OTOGL: variants seen among roughly 807,000 people sequenced by gnomAD.
The protein encoded by OTOGL is otogelin like, also known as otogelin-like protein.
OTOGL carries 285 observed loss-of-function variants against 318.5 expected under a neutral mutation model. The ratio of observed to expected loss-of-function variants is 0.89; its 90% CI spans 0.81 to 0.99. OTOGL has a LOEUF of 0.99. OTOGL is among the 50% of genes least tolerant of loss of function. The pLI is 0.00. For synonymous variants in OTOGL, 987 were observed against 936.5 expected (o/e 1.05, Z -0.99); for missense variants, 2,899 against 2,845.6 (o/e 1.02, Z -0.43).
chr12:80,148,150 G>A lies in OTOGL; in HGVS notation c.-20+48545G>A, dbSNP rs544945933. 7.9e-5 allele frequency among the ~76,000 whole-genome samples: 12 copies of A among 151,704 alleles called. No individual in the cohort carries two copies. In the East Asian group the frequency reaches 1.6e-3, roughly 20 times the overall value. ...GTTGATGCAGTTTCTTCCTAGTCTC[G>A]ATGGTCTTTACATTTTGGCATGATT... On this transcript the variant is annotated intron_variant, in intron 1 of 58. Transcript: ENST00000547103.
chr12:80,259,827 T>C (rs913929603), intron 18 of OTOGL, among the ~76,000 whole-genome samples: 1 of 152,084 alleles, frequency 6.6e-6, no homozygotes, highest in Non-Finnish European at 1.5e-5. Context: ...ATAAAATATA[T>C]GTGCTTTTTA....
At chr12:80,135,430 G>T (rs1432828346) in intron 1 of OTOGL, among the ~76,000 whole-genome samples, 1 of 151,692 alleles carries the variant, frequency 6.6e-6, no homozygotes, top group African/African-American at 2.4e-5. Context: ...CTACCACCAT[G>T]CCTGGCTAAT....
chr12:80,103,866 A>G (rs1391351084), intron 1 of OTOGL, among the ~76,000 whole-genome samples: 1 of 152,248 alleles, frequency 6.6e-6, no homozygotes. Flanking sequence ...TATATTCTAG[A>G]CACCTGAGAA....
chr12:80,332,935 C>A, intron 37 of OTOGL, 70 bp from the exon 38 acceptor site: 1 of 1,265,896 alleles, frequency 7.9e-7, no homozygotes, highest in Non-Finnish European at 1.1e-6. Flanking sequence ...AGCACAGTTT[C>A]TGTCACATAT....
At chr12:80,290,552 A>C (rs1246689434) in intron 26 of OTOGL, among the ~76,000 whole-genome samples, 3 of 152,198 alleles carry the variant, frequency 2.0e-5, no homozygotes. Flanking sequence ...CTGACAATAT[A>C]ATGTCAAACA....
intron 1 of OTOGL, among the ~76,000 whole-genome samples, chr12:80,147,637 C>G (rs899301639): frequency 6.6e-6 from 1 of 151,910 alleles, no homozygotes; most frequent in Non-Finnish European, 1.5e-5. Context: ...CTTGATCTGT[C>G]TAATGTTGAC....
At chr12:80,258,084 C>T in intron 18 of OTOGL, 82 bp downstream of exon 18, 1 of 1,207,438 alleles carries the variant, frequency 8.3e-7, no homozygotes, top group East Asian at 2.7e-5. Context: ...GTTTACTTAA[C>T]TAATAATTGC....
chr12:80,157,538 TGTA>T (rs1455834882), intron 1 of OTOGL, among the ~76,000 whole-genome samples: 2 of 152,190 alleles, frequency 1.3e-5, no homozygotes, highest in Non-Finnish European at 2.9e-5. Context: ...AATGTTTTCT[TGTA>T]GTAGTTTCAT....
At chr12:80,249,822 G>T (rs183154919) in intron 11 of OTOGL, among the ~76,000 whole-genome samples, 1 of 152,040 alleles carries the variant, frequency 6.6e-6, no homozygotes, top group African/African-American at 2.4e-5. Context: ...GTGAGACTCC[G>T]TGGGCGTAGG....
chr12:80,307,297 T>C (rs1044880198), intron 29 of OTOGL, among the ~76,000 whole-genome samples: 1 of 151,854 alleles, frequency 6.6e-6, no homozygotes, highest in Non-Finnish European at 1.5e-5. Context: ...ATTGTCATCA[T>C]GGCCCGTTCT....
Position 80,332,999 on chromosome 12 carries a change from T to G in OTOGL, c.4349-6T>G. 1 of 1,583,152 alleles carries G rather than the reference T, an allele frequency of 6.3e-7. No individual in the cohort carries two copies. ...CTAATGAGGATTACTTTTTCATTTC[T>G]GACAGTTTGGGAAATGATTACTCCA... On this transcript the variant is annotated splice_polypyrimidine_tract_variant and splice_region_variant and intron_variant, in intron 37 of 58. Transcript: ENST00000547103.
chr12:80,275,251 C>T (rs1883711653), intron 24 of OTOGL, among the ~76,000 whole-genome samples: 1 of 151,896 alleles, frequency 6.6e-6, no homozygotes, highest in Non-Finnish European at 1.5e-5. Context: ...GTCAAAATAT[C>T]AACACGAACA....
chr12:80,300,556 TG>T (rs914504600), intron 27 of OTOGL, among the ~76,000 whole-genome samples: 40 of 152,108 alleles, frequency 2.6e-4, no homozygotes, highest in Admixed American at 2.2e-3. Context: ...AATTTCAAGA[TG>T]GCAATTACAG....
intron 1 of OTOGL, among the ~76,000 whole-genome samples, chr12:80,104,896 A>G (rs569214402): frequency 6.6e-6 from 1 of 152,284 alleles, no homozygotes; most frequent in East Asian, 1.9e-4. Flanking sequence ...GGAGTTCGAC[A>G]CCTGCCTGAC....
intron 31 of OTOGL, among the ~76,000 whole-genome samples, 162 bp downstream of exon 31, chr12:80,313,794 C>A (rs1886804272): frequency 6.6e-6 from 1 of 151,860 alleles, no homozygotes; most frequent in African/African-American, 2.4e-5. Flanking sequence ...TTATAGAATA[C>A]CGAAAGGACT....
chr12:80,147,104 A>G (rs1872434250), intron 1 of OTOGL, among the ~76,000 whole-genome samples: 2 of 151,744 alleles, frequency 1.3e-5, no homozygotes, highest in South Asian at 2.1e-4. Flanking sequence ...TAGCTTTTGA[A>G]TGTGTTTGCT....
At chr12:80,167,712 A>G (rs562068569) in intron 1 of OTOGL, among the ~76,000 whole-genome samples, 6 of 152,232 alleles carry the variant, frequency 3.9e-5, no homozygotes, top group African/African-American at 1.4e-4. Flanking sequence ...GGTGAAGCAT[A>G]ACTTCACACA....
chr12:80,188,585 C>G (rs1007574047), intron 1 of OTOGL, among the ~76,000 whole-genome samples: 2 of 150,706 alleles, frequency 1.3e-5, no homozygotes, highest in African/African-American at 2.4e-5. Context: ...AAAAGGTGAG[C>G]CTTCTCTTTA....
chr12:80,121,509 C>T (rs923598064), intron 1 of OTOGL, among the ~76,000 whole-genome samples: 1 of 152,200 alleles, frequency 6.6e-6, no homozygotes, highest in Non-Finnish European at 1.5e-5. Context: ...CTCCCTAGAG[C>T]AGAGAGTCTA....
Sources: gnomAD v4.1 joint callset for allele counts (sites outside exome capture counted in the v4.1 genomes callset) on GRCh38, gnomAD v4.1.1 for gene constraint, MANE v1.5 for transcripts, NCBI Gene and HGNC (gene_info 2026-07-23, HGNC 2026-07-21) for gene names.